AMPH: variants seen among roughly 807,000 people sequenced by gnomAD.
AMPH encodes amphiphysin, also known as amphiphysin (Stiff-Mann syndrome with breast cancer 128kD autoantigen).
A neutral mutation model predicts 99.1 loss-of-function variants in AMPH; 49 were observed. That is an observed-to-expected ratio of 0.49 (90% CI 0.39 to 0.63). The LOEUF (loss-of-function observed/expected upper bound fraction) is 0.63, where lower values mean the gene tolerates loss of function less well. AMPH is among the 20% of genes least tolerant of loss of function. The pLI is 0.00. For missense variants in AMPH, 759 were observed against 863.4 expected, an observed-to-expected ratio of 0.88 and a Z score of 1.52; for synonymous variants, 314 against 317.3, an observed-to-expected ratio of 0.99 and a Z score of 0.11.
chr7:38,403,439 T>C (rs1042029313), intron 17 of AMPH, among the ~76,000 whole-genome samples: 44 of 152,306 alleles, frequency 2.9e-4, no homozygotes, highest in African/African-American at 8.9e-4. Flanking sequence ...CTCCTCCAGG[T>C]GCACTCGGAC....
chr7:38,525,938 C>T (rs915182074), intron 2 of AMPH, among the ~76,000 whole-genome samples: 3 of 152,168 alleles, frequency 2.0e-5, no homozygotes, highest in African/African-American at 7.2e-5. Flanking sequence ...TGAGAACATA[C>T]ATTTTCATTT....
At chr7:38,506,077 T>A (rs1162338903) in intron 2 of AMPH, among the ~76,000 whole-genome samples, 6 of 152,180 alleles carry the variant, frequency 3.9e-5, no homozygotes. Context: ...CCTCTCCCCA[T>A]ACAGAATTTG....
At chr7:38,444,994 T>C (rs753113095) in intron 11 of AMPH, among the ~76,000 whole-genome samples, 1 of 3,336 alleles carries the variant, frequency 3.0e-4, no homozygotes, top group Non-Finnish European at 2.4e-3. Context: ...TATATACATA[T>C]ATATATATAT....
intron 5 of AMPH, among the ~76,000 whole-genome samples, chr7:38,478,421 C>A (rs1051776502): frequency 6.6e-6 from 1 of 152,142 alleles, no homozygotes; most frequent in Non-Finnish European, 1.5e-5. Flanking sequence ...AAAATAAAGA[C>A]CCAATGCAGC....
At position 38,610,234 on chromosome 7, in the gene AMPH, CAAAAAAAAA is replaced by C. The variant is rs544036143; in HGVS notation, c.69+21040_69+21048del. 2.8e-3 allele frequency among the ~76,000 whole-genome samples: 17 copies of C among 6,130 alleles called. 1 individual carries two copies. The highest frequency in any genetic ancestry group is 4.6e-3 in the African/African-American group (6 of 1,294). 4.0% of individuals were successfully genotyped at this position (6,130 alleles called of 152,430 possible). A position where few individuals can be genotyped will look rare whatever the true frequency, so the allele number is the denominator to read the frequency against. On this transcript the variant is annotated intron_variant, in intron 1 of 20. Coordinates refer to ENST00000356264, the MANE Select transcript of AMPH (RefSeq NM_001635.4). ...CCGGGCAACAAAAGCTAAGCTCTCT[CAAAAAAAAA>C]AAAAAAAAAAAAAAAAAAAAGAAAG...
At chr7:38,490,862 A>G (rs1401522790) in intron 5 of AMPH, among the ~76,000 whole-genome samples, 188 bp downstream of exon 5, 4 of 152,188 alleles carry the variant, frequency 2.6e-5, no homozygotes, top group African/African-American at 9.6e-5. Context: ...GCGAAATGTG[A>G]TTTCTGTAAT....
Position 38,415,557 on chromosome 7 carries a change from A to G in AMPH, c.1398+2268T>C, listed in dbSNP as rs561046554. On this transcript the variant is annotated intron_variant, in intron 17 of 20. Coordinates refer to ENST00000356264, the MANE Select transcript of AMPH (RefSeq NM_001635.4). ...TTATTATGACCGGAAGGAAGAAGCTATAAATCTACTTTAGGAAACAAAAAT... is the reference window on the plus strand; with the variant it reads ...TTATTATGACCGGAAGGAAGAAGCTGTAAATCTACTTTAGGAAACAAAAAT... 2.0e-5 allele frequency among the ~76,000 whole-genome samples: 3 copies of G among 152,326 alleles called. No individual in the cohort carries two copies. The East Asian group carries it at 5.8e-4, about 29-fold the overall frequency.
intron 11 of AMPH, among the ~76,000 whole-genome samples, chr7:38,456,903 C>T (rs78439739): frequency 0.11 from 16,677 of 152,238 alleles, 1,332 homozygotes; most frequent in East Asian, 0.28. Context: ...GTCAACCTGG[C>T]ATCCTTGTCC....
At chr7:38,595,783 G>C (rs561315686) in intron 1 of AMPH, among the ~76,000 whole-genome samples, 1 of 152,262 alleles carries the variant, frequency 6.6e-6, no homozygotes, top group African/African-American at 2.4e-5. Context: ...TGTGCTCAGT[G>C]CTTAGCTCCC....
intron 1 of AMPH, among the ~76,000 whole-genome samples, chr7:38,612,079 GTCT>G (rs1270258414): frequency 0.021 from 2,606 of 123,966 alleles, 261 homozygotes; most frequent in African/African-American, 0.061. Context: ...CTGATTTTTT[GTCT>G]TCTTCTTTTT....
At chr7:38,490,888 A>C (rs1788693293) in intron 5 of AMPH, among the ~76,000 whole-genome samples, 162 bp downstream of exon 5, 1 of 152,168 alleles carries the variant, frequency 6.6e-6, no homozygotes, top group Non-Finnish European at 1.5e-5. Context: ...TTCTTTTCAA[A>C]CTGATAGGAA....
chr7:38,417,881 C>CGGCAG lies in AMPH; in HGVS notation c.1337_1341dup (p.Val448LeufsTer21). The CGGCAG allele has an allele frequency of 6.2e-7, 1 of 1,614,148 alleles. No individual in the cohort carries two copies. Among genetic ancestry groups the CGGCAG allele is most frequent in the Non-Finnish European group, 8.5e-7 (1 of 1,180,020 alleles). ...GTGTCCATTCCAAGGTCCAGACCAA[C>CGGCAG]GGCAGGTGTGACAGCAGCCAGAGGC... On this transcript the variant is annotated frameshift_variant, in exon 17 of 21. Coordinates refer to ENST00000356264, the MANE Select transcript of AMPH (RefSeq NM_001635.4). LOFTEE classifies it high-confidence loss of function.
intron 1 of AMPH, among the ~76,000 whole-genome samples, chr7:38,626,000 T>C (rs1220265685): frequency 3.3e-5 from 5 of 152,050 alleles, no homozygotes; most frequent in African/African-American, 1.2e-4. Flanking sequence ...AGAGGAGAAA[T>C]AAAAAAGTTA....
intron 1 of AMPH, among the ~76,000 whole-genome samples, chr7:38,594,255 G>A (rs149148925): frequency 6.6e-6 from 1 of 152,276 alleles, no homozygotes; most frequent in Non-Finnish European, 1.5e-5. Flanking sequence ...AGTTTAGAGT[G>A]ACAAGGTTTC....
intron 2 of AMPH, among the ~76,000 whole-genome samples, chr7:38,507,493 T>C (rs1303814385): frequency 6.6e-6 from 1 of 152,184 alleles, no homozygotes; most frequent in African/African-American, 2.4e-5. Flanking sequence ...CAATATGCCA[T>C]AAAGTAGTTT....
intron 11 of AMPH, among the ~76,000 whole-genome samples, chr7:38,437,846 G>A (rs905487501): frequency 6.6e-6 from 1 of 151,876 alleles, no homozygotes; most frequent in Non-Finnish European, 1.5e-5. Context: ...AAGCGAGGTG[G>A]TATAACCTAA....
Position 38,384,892 on chromosome 7 carries a change from C to G in AMPH, c.2014G>C (p.Asp672His). Residue 672 changes from aspartate (D) to histidine (H), a missense_variant, in exon 21 of 21, where the codon GAC becomes CAC. Around this residue, in one of 2 missense-constraint regions of AMPH, gnomAD observed 554 missense variants for 575.6 expected, o/e 0.96. Transcript: ENST00000356264. ...AGWLVGVKESDWLQYRDLATY... is the reference protein window; with the variant it reads ...AGWLVGVKESHWLQYRDLATY... ...GCAAGGTCTCTGTACTGAAGCCAGT[C>G]TGATTCCTTCACTCCCACCAGCCAG... 6.2e-7 allele frequency: 1 copy of G among 1,613,898 alleles called. No individual in the cohort carries two copies. The highest frequency in any genetic ancestry group is 8.5e-7 in the Non-Finnish European group (1 of 1,179,872).
chr7:38,593,233 T>A (rs1407021844), intron 1 of AMPH, among the ~76,000 whole-genome samples: 1 of 152,192 alleles, frequency 6.6e-6, no homozygotes, highest in African/African-American at 2.4e-5. Context: ...TATTTTTGTA[T>A]CTGTAAAAGG....
At chr7:38,460,516 G>A (rs1787398716) in intron 11 of AMPH, among the ~76,000 whole-genome samples, 1 of 152,078 alleles carries the variant, frequency 6.6e-6, no homozygotes, top group African/African-American at 2.4e-5. Context: ...ACACACTACT[G>A]AATCAAAAAA....
Sources: gnomAD v4.1 joint callset for allele counts (sites outside exome capture counted in the v4.1 genomes callset) on GRCh38, gnomAD v4.1.1 for gene constraint, gnomAD v4.1.1 regional missense constraint, MANE v1.5 for transcripts, NCBI Gene and HGNC (gene_info 2026-07-23, HGNC 2026-07-21) for gene names.